The following FSIP2 variants were observed in gnomAD, a reference collection of about 807,000 sequenced individuals.
FSIP2 encodes the protein fibrous sheath-interacting protein 2.
FSIP2 carries 367 observed loss-of-function variants against 510.5 expected under a neutral mutation model. That is an observed-to-expected ratio of 0.72 (90% CI 0.66 to 0.78). The LOEUF (loss-of-function observed/expected upper bound fraction) is 0.78. Among genes scored for constraint, FSIP2 ranks in the 30% least tolerant of loss-of-function variants. The pLI is 0.00. For missense variants in FSIP2, 7,594 were observed against 7,901.7 expected (o/e 0.96, Z 1.48); for synonymous variants, 2,601 against 2,732.2 (o/e 0.95, Z 1.50).
chr2:185,756,753 T>C (rs1257248328), intron 9 of FSIP2, among the ~76,000 whole-genome samples: 4 of 151,250 alleles, frequency 2.6e-5, no homozygotes, highest in Non-Finnish European at 5.9e-5. Flanking sequence ...AATTACAATA[T>C]AAAAATCCTC....
At chr2:185,757,522 C>G (rs1208217990) in intron 9 of FSIP2, among the ~76,000 whole-genome samples, 1 of 151,278 alleles carries the variant, frequency 6.6e-6, no homozygotes, top group African/African-American at 2.4e-5. Context: ...TAAAAATACA[C>G]AGTAGTGACA....
Position 185,794,363 on chromosome 2 carries a change from T to C in FSIP2, c.7227T>C (p.Ile2409=), listed in dbSNP as rs1389799676. The change falls in exon 16 of 23, where the codon ATT becomes ATC. Residue 2409 remains isoleucine, a synonymous_variant. Coordinates refer to ENST00000424728, the MANE Select transcript of FSIP2 (RefSeq NM_173651.4). ...ATGATAAAAGATCTGTAAAGGAAAT[T>C]TGTTTTAATTCAAAAGAAAATTCTA... ...MLDDKRSVKE[I]CFNSKENSNF... The C allele has an allele frequency of 4.0e-6, 6 of 1,516,538 alleles. No homozygotes were observed. The highest frequency in any genetic ancestry group is 5.3e-6 in the Non-Finnish European group (6 of 1,138,622). The allele number at this position is 1,516,538 out of a possible 1,614,324, so 93.9% of individuals were successfully genotyped here.
At position 185,790,764 on chromosome 2, in the gene FSIP2, A is replaced by G. The variant is rs1693103130; in HGVS notation, c.3628A>G (p.Ile1210Val). The change falls in exon 16 of 23, where the codon ATA becomes GTA. Residue 1210 changes from isoleucine to valine, a missense_variant. By Grantham distance (29) the Ile-to-Val change is conservative (BLOSUM62 3). Transcript: ENST00000424728. ...CTTACATAATTCTGACACTGAACAC[A>G]TAGTCAAAGAAGCACCAAATAAATA... Reference protein sequence around the residue: ...ISLHNSDTEHIVKEAPNKYPL... With the variant: ...ISLHNSDTEHVVKEAPNKYPL... 2 of 1,532,426 alleles carry G rather than the reference A, an allele frequency of 1.3e-6. No homozygotes were observed. Among genetic ancestry groups the G allele is most frequent in the South Asian group, 2.4e-5 (2 of 83,758 alleles). The allele number at this position is 1,532,426 out of a possible 1,614,324, so 94.9% of individuals were successfully genotyped here.
chr2:185,795,397 T>G lies in FSIP2; in HGVS notation c.8261T>G (p.Phe2754Cys). ...INILETIVKE[F>C]GKVKQTKALP... ...ATCCTAGAAACAATTGTGAAGGAAT[T>G]TGGAAAGGTAAAGCAAACCAAAGCT... Residue 2754 changes from phenylalanine (F) to cysteine (C), a missense_variant, in exon 16 of 23, where the codon TTT becomes TGT. Phe to Cys is a radical substitution (Grantham distance 205). Transcript: ENST00000424728. The G allele has an allele frequency of 6.5e-7, 1 of 1,534,922 alleles. No individual in the cohort carries two copies. The highest frequency in any genetic ancestry group is 8.7e-7 in the Non-Finnish European group (1 of 1,146,164).
At position 185,794,487 on chromosome 2, in the gene FSIP2, C is replaced by G. The variant is rs1296508022; in HGVS notation, c.7351C>G (p.Gln2451Glu). Residue 2451 changes from glutamine (Q) to glutamate (E), a missense_variant, in exon 16 of 23, where the codon CAA becomes GAA. Transcript: ENST00000424728. ...TCTATTTACAAAGTATCCATTAGAG[C>G]AAAACCAAATGATATTGGAAAACAA... ...QSLFTKYPLE[Q>E]NQMILENKRQ... The G allele has an allele frequency of 1.2e-5, 18 of 1,520,682 alleles. No homozygotes were observed. The highest frequency in any genetic ancestry group is 8.8e-7 in the Non-Finnish European group (1 of 1,141,216). 94.2% of individuals were successfully genotyped at this position (1,520,682 alleles called of 1,614,324 possible). A position where few individuals can be genotyped will look rare whatever the true frequency, so the allele number is the denominator to read the frequency against.
chr2:185,793,012 G>A lies in FSIP2; in HGVS notation c.5876G>A (p.Ser1959Asn), dbSNP rs1235860325. Residue 1959 changes from serine to asparagine, a missense_variant, in exon 16 of 23, where the codon AGT becomes AAT. Ser to Asn is a conservative substitution (Grantham distance 46, BLOSUM62 1). Transcript: ENST00000424728. Reference protein sequence around the residue: ...PVALPIQQDHSTLSKALSAKD... With the variant: ...PVALPIQQDHNTLSKALSAKD... ...GCTTTACCTATTCAGCAAGATCACA[G>A]TACATTGAGCAAAGCATTATCAGCC... 6 of 1,534,236 alleles carry A rather than the reference G, an allele frequency of 3.9e-6. No individual in the cohort carries two copies. The highest frequency in any genetic ancestry group is 4.4e-6 in the Non-Finnish European group (5 of 1,145,642).
chr2:185,763,206 G>C lies in FSIP2; in HGVS notation c.1264G>C (p.Gly422Arg). The C allele has an allele frequency of 6.7e-7, 1 of 1,491,654 alleles. No homozygotes were observed. The highest frequency in any genetic ancestry group is 9.0e-7 in the Non-Finnish European group (1 of 1,107,184). The allele number at this position is 1,491,654 out of a possible 1,614,324, so 92.4% of individuals were successfully genotyped here. ...DRGGINISGQ[G>R]SIISAQVSPT... ...AGGAGGTATAAATATTTCAGGCCAA[G>C]GTTCAATTATTTCAGCGCAGGTATC... Residue 422 changes from glycine to arginine, a missense_variant, in exon 12 of 23, where the codon GGT (glycine) becomes CGT (arginine). By Grantham distance (125) the Gly-to-Arg change is moderately radical. Transcript: ENST00000424728.
chr2:185,809,613 A>G (rs1693682410), intron 17 of FSIP2, among the ~76,000 whole-genome samples: 1 of 152,110 alleles, frequency 6.6e-6, no homozygotes, highest in Non-Finnish European at 1.5e-5. Flanking sequence ...ATTTCCTTTT[A>G]GTAACACTCA....
chr2:185,749,776 T>C (rs1416748637), intron 7 of FSIP2, among the ~76,000 whole-genome samples: 2 of 151,704 alleles, frequency 1.3e-5, no homozygotes, highest in African/African-American at 2.4e-5. Flanking sequence ...TCGCCATTAA[T>C]TTTAGGGTTA....
Position 185,808,885 on chromosome 2 carries a change from A to C in FSIP2, c.19579A>C (p.Lys6527Gln). 6.2e-7 allele frequency: 1 copy of C among 1,608,034 alleles called. No individual in the cohort carries two copies. The change falls in exon 17 of 23, where the codon AAA (lysine) becomes CAA (glutamine). Residue 6527 changes from lysine (K) to glutamine (Q), a missense_variant. Transcript: ENST00000424728. Reference protein sequence around the residue: ...SPIKIVPHVGKKPVKIDPKII... With the variant: ...SPIKIVPHVGQKPVKIDPKII... Reference sequence around the variant, plus strand: ...AATTAAAATAGTTCCACATGTTGGAAAAAAACCAGTCAAAATAGATCCAAA... The same window carrying C: ...AATTAAAATAGTTCCACATGTTGGACAAAAACCAGTCAAAATAGATCCAAA...
chr2:185,798,149 A>G (rs1277653803), intron 16 of FSIP2, among the ~76,000 whole-genome samples: 1 of 151,934 alleles, frequency 6.6e-6, no homozygotes, highest in Non-Finnish European at 1.5e-5. Context: ...CATGAGGCAT[A>G]AATTTGGAAG....
At chr2:185,742,426 C>A (rs1559007803) in intron 2 of FSIP2, among the ~76,000 whole-genome samples, 2 of 152,144 alleles carry the variant, frequency 1.3e-5, no homozygotes, top group South Asian at 4.1e-4. Context: ...ATGTTAATGG[C>A]TGTTGCCTAA....
rs760933098 is a variant in FSIP2, at chr2:185,813,774, A to C, written c.20057A>C (p.Gln6686Pro). Residue 6686 changes from glutamine to proline, a missense_variant, in exon 18 of 23, where the codon CAA becomes CCA. Coordinates refer to ENST00000424728, the MANE Select transcript of FSIP2 (RefSeq NM_173651.4). ...GAAGGCATCAAAGTATTTGAAGATCAAGTGAAAGAAGTCAAGAAGCCAATA... is the reference window on the plus strand; with the variant it reads ...GAAGGCATCAAAGTATTTGAAGATCCAGTGAAAGAAGTCAAGAAGCCAATA... The part of the protein sequence containing the change: ...KEEGIKVFED[Q>P]VKEVKKPIQS... 1.1e-5 allele frequency: 17 copies of C among 1,613,278 alleles called. No homozygotes were observed. Among genetic ancestry groups the C allele is most frequent in the Non-Finnish European group, 1.4e-5 (16 of 1,179,646 alleles).
intron 14 of FSIP2, chr2:185,783,690 G>A (rs1395067767): frequency 6.6e-6 from 1 of 152,138 alleles, no homozygotes; most frequent in Non-Finnish European, 1.5e-5. Context: ...TGATGACCGT[G>A]TGTAGACCAT....
At chr2:185,737,689 T>G (rs1310156064), upstream of FSIP2, among the ~76,000 whole-genome samples, 2 of 152,172 alleles carry the variant, frequency 1.3e-5, no homozygotes, top group East Asian at 3.9e-4. Context: ...TTGTTTTTTT[T>G]TCCTGTTTTG....
intron 21 of FSIP2, among the ~76,000 whole-genome samples, chr2:185,831,043 G>A (rs1014826076): frequency 6.6e-6 from 1 of 151,822 alleles, no homozygotes; most frequent in Non-Finnish European, 1.5e-5. Flanking sequence ...TCTTCTTGGA[G>A]GAACTATGGT....
Position 185,804,126 on chromosome 2 carries a change from T to A in FSIP2, c.14820T>A (p.Ser4940=). ...KAIDPKQREL[S]FIVNSSVFLE... is the part of the protein sequence containing the mutation. ...TAGATCCTAAACAAAGAGAATTATCTTTTATTGTGAACTCATCTGTCTTTT... is the reference window on the plus strand; with the variant it reads ...TAGATCCTAAACAAAGAGAATTATCATTTATTGTGAACTCATCTGTCTTTT... Residue 4940 remains serine, a synonymous_variant, in exon 17 of 23, where the codon TCT becomes TCA. Transcript: ENST00000424728. 6.6e-7 allele frequency: 1 copy of A among 1,521,242 alleles called. No homozygotes were observed. The highest frequency in any genetic ancestry group is 8.8e-7 in the Non-Finnish European group (1 of 1,141,194). The allele number at this position is 1,521,242 out of a possible 1,614,324, so 94.2% of individuals were successfully genotyped here.
At chr2:185,772,748 G>C (rs1334232066) in intron 13 of FSIP2, among the ~76,000 whole-genome samples, 1 of 152,078 alleles carries the variant, frequency 6.6e-6, no homozygotes, top group African/African-American at 2.4e-5. Context: ...GTACTTTTGT[G>C]TGTTTTCATA....
At chr2:185,813,398 A>ATTT in intron 17 of FSIP2, 147 bp from the exon 18 acceptor site, 1 of 452,670 alleles carries the variant, frequency 2.2e-6, no homozygotes, top group Non-Finnish European at 3.7e-6. Context: ...TTCTTTTAAA[A>ATTT]ATATTGCTAA....
Sources: allele counts gnomAD v4.1 joint callset (sites outside exome capture counted in the v4.1 genomes callset), GRCh38; gene constraint gnomAD v4.1.1; transcripts MANE v1.5; gene names NCBI Gene and HGNC (gene_info 2026-07-23, HGNC 2026-07-21).